The following PIP4P2 variants were observed in gnomAD, a reference collection of about 807,000 sequenced individuals.
PIP4P2 encodes phosphatidylinositol-4,5-bisphosphate 4-phosphatase 2.
Under a neutral mutation model 33.3 loss-of-function variants are expected in PIP4P2, and 19 were observed. The observed-to-expected ratio is 0.57, with a 90% CI of 0.40 to 0.84. The LOEUF (loss-of-function observed/expected upper bound fraction) is 0.84, where lower values mean the gene tolerates loss of function less well. Among genes scored for constraint, PIP4P2 ranks in the 40% least tolerant of loss-of-function variants. The pLI is 0.00. For missense variants in PIP4P2, 270 were observed against 324.7 expected, an observed-to-expected ratio of 0.83 and a Z score of 1.29; for synonymous variants, 110 against 111.9, an observed-to-expected ratio of 0.98 and a Z score of 0.11.
intron 1 of PIP4P2, among the ~76,000 whole-genome samples, chr8:91,024,988 C>G (rs1234333531): frequency 6.6e-6 from 1 of 152,046 alleles, no homozygotes; most frequent in African/African-American, 2.4e-5. Flanking sequence ...TCAGCAAAGC[C>G]AAGAGCTGAC....
intron 5 of PIP4P2, among the ~76,000 whole-genome samples, chr8:91,000,900 C>T (rs1370796191): frequency 2.0e-5 from 3 of 151,968 alleles, no homozygotes; most frequent in Non-Finnish European, 2.9e-5. Flanking sequence ...CTTAATCTTA[C>T]ATTCATCTTT....
chr8:91,010,685 G>A (rs1811822258), intron 4 of PIP4P2, among the ~76,000 whole-genome samples: 1 of 151,666 alleles, frequency 6.6e-6, no homozygotes, highest in Non-Finnish European at 1.5e-5. Context: ...CCAAACCTAT[G>A]CTTTGGAAAA....
At chr8:91,006,301 A>C (rs529126469) in intron 5 of PIP4P2, among the ~76,000 whole-genome samples, 20 of 152,314 alleles carry the variant, frequency 1.3e-4, no homozygotes, top group African/African-American at 3.8e-4. Context: ...TGTGACTCTG[A>C]TTCTACAAAC....
chr8:91,011,745 T>C (rs912930986), intron 4 of PIP4P2, among the ~76,000 whole-genome samples: 16 of 152,004 alleles, frequency 1.1e-4, no homozygotes, highest in African/African-American at 3.9e-4. Flanking sequence ...TGGTCCCAGC[T>C]AGGCTGTGGT....
intron 6 of PIP4P2, 144 bp from the exon 7 acceptor site, chr8:90,995,964 T>A: frequency 4.7e-6 from 4 of 855,036 alleles, no homozygotes; most frequent in Non-Finnish European, 5.1e-6. Context: ...TAGGTGTATC[T>A]GTTGACTGCA....
chr8:91,015,847 G>C (rs1220510851), intron 4 of PIP4P2, among the ~76,000 whole-genome samples: 1 of 152,190 alleles, frequency 6.6e-6, no homozygotes, highest in Admixed American at 6.5e-5. Flanking sequence ...GAGAACAAAG[G>C]AAGGAGGAAG....
At chr8:91,031,314 C>G (rs1387572436) in intron 1 of PIP4P2, among the ~76,000 whole-genome samples, 1 of 152,112 alleles carries the variant, frequency 6.6e-6, no homozygotes, top group Non-Finnish European at 1.5e-5. Context: ...TTGGATATGT[C>G]CAATGGTCTA....
At chr8:91,007,664 A>G (rs1229044772) in intron 5 of PIP4P2, among the ~76,000 whole-genome samples, 1 of 152,244 alleles carries the variant, frequency 6.6e-6, no homozygotes, top group Non-Finnish European at 1.5e-5. Flanking sequence ...TTAACACAGT[A>G]GGCCTGAGAC....
intron 4 of PIP4P2, among the ~76,000 whole-genome samples, chr8:91,010,103 A>G (rs1259901566): frequency 6.6e-6 from 1 of 151,878 alleles, no homozygotes; most frequent in African/African-American, 2.4e-5. Context: ...ACTGCTCTTA[A>G]AGTAAAAATT....
At chr8:91,036,990 G>A (rs1406910866) in intron 1 of PIP4P2, among the ~76,000 whole-genome samples, 1 of 152,154 alleles carries the variant, frequency 6.6e-6, no homozygotes, top group Non-Finnish European at 1.5e-5. Context: ...GGCAGTCTCA[G>A]AGTGTTCCAC....
At chr8:91,012,119 CT>C (rs1811846027) in intron 4 of PIP4P2, among the ~76,000 whole-genome samples, 1 of 151,750 alleles carries the variant, frequency 6.6e-6, no homozygotes, top group East Asian at 1.9e-4. Context: ...ATTTTCTTTT[CT>C]TTGACTCTAG....
chr8:91,029,089 G>C (rs1434260523), intron 1 of PIP4P2, among the ~76,000 whole-genome samples: 1 of 152,048 alleles, frequency 6.6e-6, no homozygotes, highest in Admixed American at 6.6e-5. Flanking sequence ...TCAGCAGTTA[G>C]AGACCAGCTT....
At chr8:91,033,114 A>T (rs999356864) in intron 1 of PIP4P2, among the ~76,000 whole-genome samples, 1 of 152,220 alleles carries the variant, frequency 6.6e-6, no homozygotes, top group Non-Finnish European at 1.5e-5. Context: ...CTCTCCAGGA[A>T]AATGCTACTG....
rs1358172176 is a variant in PIP4P2 at position 90,996,698 on chromosome 8, T to C, written c.586A>G (p.Ile196Val). The C allele has an allele frequency of 1.2e-6, 2 of 1,610,826 alleles. No individual in the cohort carries two copies. The highest frequency in any genetic ancestry group is 1.3e-5 in the African/African-American group (1 of 74,944). Residue 196 changes from isoleucine to valine, a missense_variant, in exon 6 of 7, where the codon ATT becomes GTT. Transcript: ENST00000285419. ...AAAATACATATCATTCCAATGGTAA[T>C]ATATGCACAGCAGCGTCTTCGTGGA... ...ALPRRRCCAYITIGMICIFIG... is the reference protein window; with the variant it reads ...ALPRRRCCAYVTIGMICIFIG...
intron 1 of PIP4P2, among the ~76,000 whole-genome samples, chr8:91,021,989 T>C (rs1812017034): frequency 1.3e-5 from 2 of 152,142 alleles, no homozygotes; most frequent in African/African-American, 4.8e-5. Flanking sequence ...ATGGGAACCA[T>C]GCTAATTTCA....
intron 5 of PIP4P2, among the ~76,000 whole-genome samples, chr8:91,003,163 T>C (rs1746468615): frequency 6.6e-6 from 1 of 152,180 alleles, no homozygotes; most frequent in Non-Finnish European, 1.5e-5. Context: ...CTGTATGCCA[T>C]GGCTAAGAAA....
At chr8:91,029,116 C>CAT (rs1812122482) in intron 1 of PIP4P2, among the ~76,000 whole-genome samples, 2 of 151,922 alleles carry the variant, frequency 1.3e-5, no homozygotes, top group Admixed American at 1.3e-4. Context: ...CATCATGAAA[C>CAT]CCCGTCTCTA....
intron 4 of PIP4P2, among the ~76,000 whole-genome samples, chr8:91,017,477 C>A (rs1255527053): frequency 6.6e-6 from 1 of 151,554 alleles, no homozygotes; most frequent in Non-Finnish European, 1.5e-5. Context: ...AATAAAGTAG[C>A]TGAAAGAGTT....
chr8:91,018,478 A>G lies in PIP4P2; in HGVS notation c.398T>C (p.Ile133Thr). The change falls in exon 4 of 7, where the codon ATT (isoleucine) becomes ACT (threonine). Residue 133 changes from isoleucine to threonine, a missense_variant. Physicochemically the swap from Ile to Thr is moderately conservative, Grantham distance 89. Coordinates refer to ENST00000285419, the MANE Select transcript of PIP4P2 (RefSeq NM_018710.3). The part of the protein sequence containing the change: ...RIINLGPVML[I>T]SEEQPAQPAL... ...AGGCTGAGCTGGTTGTTCTTCAGAA[A>G]TAAGCATTACTGGGCCAAGGTTAAT... The G allele has an allele frequency of 6.2e-7, 1 of 1,614,014 alleles. No individual in the cohort carries two copies.
Sources: allele counts gnomAD v4.1 joint callset (sites outside exome capture counted in the v4.1 genomes callset), GRCh38; gene constraint gnomAD v4.1.1; transcripts MANE v1.5; gene names NCBI Gene and HGNC (gene_info 2026-07-23, HGNC 2026-07-21).